Variants in PPARGC1A observed in about 807,000 individuals in gnomAD.
PPARGC1A encodes the protein peroxisome proliferator-activated receptor gamma coactivator 1-alpha.
In PPARGC1A, 25 loss-of-function variants were observed where a neutral mutation model predicts 88.7. The observed-to-expected ratio is 0.28, with a 90% CI of 0.21 to 0.39. The LOEUF (loss-of-function observed/expected upper bound fraction) is 0.39. PPARGC1A is among the 10% of genes least tolerant of loss of function. The probability of loss-of-function intolerance (pLI) is 1.00; values close to 1 mark genes in which losing one functional copy is unlikely to be tolerated. For missense variants in PPARGC1A, 880 were observed against 968.7 expected (o/e 0.91, Z 1.22); for synonymous variants, 363 against 355.6 (o/e 1.02, Z -0.24).
chr4:24,222,372 A>G, the PPARGC1A span, among the ~76,000 whole-genome samples: 1 of 152,176 alleles, frequency 6.6e-6, no homozygotes, highest in African/African-American at 2.4e-5. Flanking sequence ...AAATACATCA[A>G]CTTCTCTGTG....
the PPARGC1A span, among the ~76,000 whole-genome samples, chr4:24,107,529 A>C: frequency 7.5e-3 from 1,141 of 152,306 alleles, 11 homozygotes; most frequent in African/African-American, 0.024. Flanking sequence ...TTTCTCTTTC[A>C]CATCTTCTTT....
At chr4:23,986,082 T>C in the PPARGC1A span, among the ~76,000 whole-genome samples, 4 of 151,996 alleles carry the variant, frequency 2.6e-5, no homozygotes, top group South Asian at 6.2e-4. Context: ...AACTCTCTGA[T>C]TGTGCACTCC....
chr4:24,170,767 C>T, the PPARGC1A span, among the ~76,000 whole-genome samples: 1 of 152,186 alleles, frequency 6.6e-6, no homozygotes, highest in Admixed American at 6.5e-5. Context: ...TCCAGCTGAG[C>T]ATTTAACACC....
At chr4:23,926,034 ACTCT>A in the PPARGC1A span, among the ~76,000 whole-genome samples, 1 of 152,026 alleles carries the variant, frequency 6.6e-6, no homozygotes, top group Middle Eastern at 3.4e-3. Flanking sequence ...GGTTTGCCTG[ACTCT>A]CTGAATGCTG....
chr4:24,294,275 G>C, the PPARGC1A span, among the ~76,000 whole-genome samples: 1 of 152,086 alleles, frequency 6.6e-6, no homozygotes, highest in Non-Finnish European at 1.5e-5. Context: ...GTATACAATT[G>C]ATATGAAAAT....
the PPARGC1A span, among the ~76,000 whole-genome samples, chr4:24,271,624 A>T: frequency 6.6e-6 from 1 of 152,016 alleles, no homozygotes; most frequent in Non-Finnish European, 1.5e-5. Context: ...TGATCCACCC[A>T]CCTCAGCCTC....
At chr4:24,451,703 G>A in the PPARGC1A span, among the ~76,000 whole-genome samples, 4 of 152,028 alleles carry the variant, frequency 2.6e-5, no homozygotes, top group Non-Finnish European at 4.4e-5. Flanking sequence ...TCAGCCTCCC[G>A]AGTAGCTGGG....
chr4:24,248,118 C>CTT, the PPARGC1A span, among the ~76,000 whole-genome samples: 1 of 152,216 alleles, frequency 6.6e-6, no homozygotes, highest in East Asian at 1.9e-4. Context: ...GTATTTCTTT[C>CTT]TCTTTTTTCT....
At chr4:23,845,458 G>A (rs1277879881) in intron 2 of PPARGC1A, among the ~76,000 whole-genome samples, 4 of 152,072 alleles carry the variant, frequency 2.6e-5, no homozygotes, top group Admixed American at 6.6e-5. Flanking sequence ...TGCAGGTAAC[G>A]TCAAATGATC....
the PPARGC1A span, among the ~76,000 whole-genome samples, chr4:24,259,463 T>A: frequency 6.6e-6 from 1 of 152,200 alleles, no homozygotes. Flanking sequence ...TACATTCACA[T>A]GCCACAGAAC....
the PPARGC1A span, among the ~76,000 whole-genome samples, chr4:24,410,160 AT>A: frequency 6.6e-6 from 1 of 152,208 alleles, no homozygotes; most frequent in Non-Finnish European, 1.5e-5. Context: ...TATTGAAAAA[AT>A]TGTGAAAATA....
chr4:23,930,433 T>A, the PPARGC1A span, among the ~76,000 whole-genome samples: 1 of 152,184 alleles, frequency 6.6e-6, no homozygotes. Context: ...AAGGACTATT[T>A]CTCCAGCTAG....
chr4:24,231,273 C>T, the PPARGC1A span, among the ~76,000 whole-genome samples: 8 of 152,148 alleles, frequency 5.3e-5, no homozygotes, highest in Non-Finnish European at 1.2e-4. Context: ...AGAAGAGACG[C>T]GGTAGTTGGG....
the PPARGC1A span, among the ~76,000 whole-genome samples, chr4:24,466,901 GAGGA>G: frequency 2.5e-4 from 15 of 58,854 alleles, no homozygotes; most frequent in East Asian, 6.9e-4. Context: ...AAAAAAAAAA[GAGGA>G]AGGAAGGAAG....
At chr4:23,866,850 C>T (rs937465186) in intron 2 of PPARGC1A, among the ~76,000 whole-genome samples, 16 of 152,084 alleles carry the variant, frequency 1.1e-4, no homozygotes, top group Non-Finnish European at 1.6e-4. Context: ...TCAGAGATAC[C>T]GCCCGGGGGT....
chr4:24,430,463 G>A, the PPARGC1A span, among the ~76,000 whole-genome samples: 10 of 151,538 alleles, frequency 6.6e-5, no homozygotes, highest in South Asian at 4.2e-4. Flanking sequence ...GGGTTTCACC[G>A]TGTTAGCCAG....
the PPARGC1A span, among the ~76,000 whole-genome samples, chr4:24,206,598 G>A: frequency 1.3e-5 from 2 of 152,274 alleles, no homozygotes; most frequent in East Asian, 1.9e-4. Flanking sequence ...TTGGGAGGCT[G>A]AGGCAGGTTG....
At chr4:24,116,111 AC>A in the PPARGC1A span, among the ~76,000 whole-genome samples, 2 of 152,078 alleles carry the variant, frequency 1.3e-5, no homozygotes, top group Non-Finnish European at 2.9e-5. Flanking sequence ...AAGCAAGTCC[AC>A]CCCCTTGCTT....
At chr4:24,435,017 G>A in the PPARGC1A span, among the ~76,000 whole-genome samples, 186 of 152,234 alleles carry the variant, frequency 1.2e-3, no homozygotes, top group African/African-American at 3.6e-3. Context: ...AAAGAAATAC[G>A]GCAGGTGACA....
Sources: gnomAD v4.1 joint callset for allele counts (sites outside exome capture counted in the v4.1 genomes callset) on GRCh38, gnomAD v4.1.1 for gene constraint, MANE v1.5 for transcripts, NCBI Gene and HGNC (gene_info 2026-07-23, HGNC 2026-07-21) for gene names.